The following LRRTM4 variants were observed in gnomAD, a reference collection of about 807,000 sequenced individuals.
The protein encoded by LRRTM4 is leucine-rich repeat transmembrane neuronal protein 4.
In LRRTM4, 25 loss-of-function variants were observed where a neutral mutation model predicts 47.6. The observed-to-expected ratio is 0.53, with a 90% CI of 0.38 to 0.73. The LOEUF is 0.73. Among genes scored for constraint, LRRTM4 ranks in the 30% least tolerant of loss-of-function variants. The probability of loss-of-function intolerance (pLI) is 0.00; values close to 1 mark genes in which losing one functional copy is unlikely to be tolerated. For missense variants in LRRTM4, 638 were observed against 713.4 expected (o/e 0.89, Z 1.20); for synonymous variants, 311 against 269.5 (o/e 1.15, Z -1.51).
intron 3 of LRRTM4, among the ~76,000 whole-genome samples, chr2:77,231,754 C>G (rs1353367152): frequency 6.6e-6 from 1 of 152,004 alleles, no homozygotes; most frequent in Non-Finnish European, 1.5e-5. Flanking sequence ...TAAATAGCAA[C>G]AAAAGAAACC....
intron 3 of LRRTM4, among the ~76,000 whole-genome samples, chr2:77,148,427 C>CT (rs769887724): frequency 1.3e-5 from 2 of 152,076 alleles, no homozygotes; most frequent in African/African-American, 2.4e-5. Context: ...TTTCATCATT[C>CT]TTTTTTTCCC....
At chr2:77,429,543 G>A (rs1018950982) in intron 3 of LRRTM4, among the ~76,000 whole-genome samples, 3 of 152,018 alleles carry the variant, frequency 2.0e-5, no homozygotes, top group Non-Finnish European at 4.4e-5. Flanking sequence ...AAATCCTGTC[G>A]TTTACAACGA....
At chr2:77,435,008 CA>C (rs1675534191) in intron 3 of LRRTM4, among the ~76,000 whole-genome samples, 1 of 151,910 alleles carries the variant, frequency 6.6e-6, no homozygotes, top group South Asian at 2.1e-4. Context: ...TTGGGTCATA[CA>C]ATTTTTTGTT....
At chr2:76,800,074 C>A (rs1360310744) in intron 3 of LRRTM4, among the ~76,000 whole-genome samples, 12 of 151,852 alleles carry the variant, frequency 7.9e-5, no homozygotes, top group Admixed American at 4.6e-4. Flanking sequence ...GCTACCAATG[C>A]CTTTCTTCAC....
intron 3 of LRRTM4, among the ~76,000 whole-genome samples, chr2:77,228,795 C>A (rs1674884362): frequency 6.6e-6 from 1 of 152,188 alleles, no homozygotes; most frequent in Non-Finnish European, 1.5e-5. Flanking sequence ...AGCCAAGAAT[C>A]AGACCGCTTC....
intron 3 of LRRTM4, among the ~76,000 whole-genome samples, chr2:77,242,634 T>C (rs1320412615): frequency 6.6e-6 from 1 of 151,960 alleles, no homozygotes; most frequent in African/African-American, 2.4e-5. Flanking sequence ...CCCATTATGA[T>C]GGATACTATC....
At chr2:76,873,533 T>TATAC (rs1174673622) in intron 3 of LRRTM4, among the ~76,000 whole-genome samples, 31 of 145,190 alleles carry the variant, frequency 2.1e-4, no homozygotes, top group African/African-American at 7.4e-4. Context: ...TATATATATA[T>TATAC]ACAACATAGT....
intron 3 of LRRTM4, among the ~76,000 whole-genome samples, chr2:77,216,308 T>C (rs1011031921): frequency 1.3e-5 from 2 of 152,188 alleles, no homozygotes; most frequent in African/African-American, 4.8e-5. Context: ...TTTGTGCATA[T>C]AGTGATTCGA....
intron 3 of LRRTM4, among the ~76,000 whole-genome samples, chr2:77,292,847 T>G (rs1187677095): frequency 6.7e-6 from 1 of 149,390 alleles, no homozygotes; most frequent in Non-Finnish European, 1.5e-5. Context: ...TAAAGTATAA[T>G]AATAATAAAA....
intron 3 of LRRTM4, among the ~76,000 whole-genome samples, chr2:77,387,984 A>C (rs182782556): frequency 5.4e-4 from 82 of 152,208 alleles, no homozygotes; most frequent in Middle Eastern, 3.4e-3. Context: ...GGATAACATC[A>C]GGCTCTTGTT....
chr2:76,809,903 C>A (rs948357406), intron 3 of LRRTM4, among the ~76,000 whole-genome samples: 4 of 152,112 alleles, frequency 2.6e-5, no homozygotes, highest in African/African-American at 9.7e-5. Context: ...CTTCATGGTA[C>A]CTTTCCTCAC....
At chr2:76,791,507 C>T (rs1446874365) in intron 3 of LRRTM4, among the ~76,000 whole-genome samples, 2 of 152,076 alleles carry the variant, frequency 1.3e-5, no homozygotes, top group African/African-American at 2.4e-5. Context: ...ACAAGGGACT[C>T]GAGTATTTAG....
At chr2:76,999,521 T>G (rs1573429412) in intron 3 of LRRTM4, among the ~76,000 whole-genome samples, 1 of 151,978 alleles carries the variant, frequency 6.6e-6, no homozygotes, top group Non-Finnish European at 1.5e-5. Context: ...TCTCAATTTT[T>G]AAAAATCAAC....
chr2:77,236,258 T>C (rs796801467), intron 3 of LRRTM4, among the ~76,000 whole-genome samples: 1 of 151,986 alleles, frequency 6.6e-6, no homozygotes, highest in South Asian at 2.1e-4. Context: ...TGTCTTCCTA[T>C]TTTACTTTTG....
chr2:76,870,752 A>G (rs781600372), intron 3 of LRRTM4, among the ~76,000 whole-genome samples: 1 of 152,190 alleles, frequency 6.6e-6, no homozygotes. Flanking sequence ...GGGTGAGTCA[A>G]TATTATTTGT....
At chr2:77,108,240 T>C (rs573679941) in intron 3 of LRRTM4, among the ~76,000 whole-genome samples, 1 of 152,130 alleles carries the variant, frequency 6.6e-6, no homozygotes, top group South Asian at 2.1e-4. Context: ...GATAATTCAT[T>C]GTATGCAGGA....
chr2:77,169,868 CTCT>C (rs1307072492), intron 3 of LRRTM4, among the ~76,000 whole-genome samples: 1 of 152,104 alleles, frequency 6.6e-6, no homozygotes, highest in Non-Finnish European at 1.5e-5. Context: ...CATTTTAATC[CTCT>C]TCTTCAATTT....
chr2:77,150,973 G>T (rs887555041), intron 3 of LRRTM4, among the ~76,000 whole-genome samples: 1 of 151,988 alleles, frequency 6.6e-6, no homozygotes, highest in African/African-American at 2.4e-5. Context: ...TTCATGCACT[G>T]TTTTTTAAGT....
chr2:76,802,471 C>G (rs1472718996), intron 3 of LRRTM4, among the ~76,000 whole-genome samples: 1 of 151,754 alleles, frequency 6.6e-6, no homozygotes, highest in East Asian at 1.9e-4. Context: ...ATGGAAAGGG[C>G]CACAAATTAA....
Sources: allele counts gnomAD v4.1 joint callset (sites outside exome capture counted in the v4.1 genomes callset), GRCh38; gene constraint gnomAD v4.1.1; transcripts MANE v1.5; gene names NCBI Gene and HGNC (gene_info 2026-07-23, HGNC 2026-07-21).